TCTN3: variants seen among roughly 807,000 people sequenced by gnomAD.
The protein encoded by TCTN3 is tectonic family member 3.
Under a neutral mutation model 71.3 loss-of-function variants are expected in TCTN3, and 57 were observed. The ratio of observed to expected loss-of-function variants is 0.80; its 90% confidence interval spans 0.65 to 1.00. The LOEUF is 1.00. Ranked by LOEUF, TCTN3 falls within the 50% of genes least tolerant of loss-of-function variation. TCTN3 has a pLI of 0.00. For synonymous variants in TCTN3, 258 were observed against 267.8 expected (o/e 0.96, Z 0.36); for missense variants, 696 against 719.9 (o/e 0.97, Z 0.38).
At chr10:95,671,764 G>T (rs2097931660) in intron 13 of TCTN3, among the ~76,000 whole-genome samples, 1 of 151,866 alleles carries the variant, frequency 6.6e-6, no homozygotes, top group Non-Finnish European at 1.5e-5. Flanking sequence ...CTAATTTTTT[G>T]TATTTTTTTT....
intron 13 of TCTN3, 94 bp downstream of exon 13, chr10:95,680,378 T>TTAG: frequency 2.1e-6 from 3 of 1,447,616 alleles, no homozygotes; most frequent in Middle Eastern, 2.1e-4. Flanking sequence ...ATAAATTAGC[T>TTAG]CTTGGAAGGT....
intron 13 of TCTN3, among the ~76,000 whole-genome samples, chr10:95,672,571 TGAA>T (rs1223966334): frequency 2.0e-5 from 3 of 152,110 alleles, no homozygotes; most frequent in African/African-American, 7.2e-5. Flanking sequence ...CTTGTGAGCA[TGAA>T]GTAGTAGCGC....
chr10:95,685,004 G>A (rs867846201), intron 8 of TCTN3, among the ~76,000 whole-genome samples: 1 of 152,220 alleles, frequency 6.6e-6, no homozygotes, highest in South Asian at 2.1e-4. Flanking sequence ...CATTGCTGGG[G>A]ATACAAGTTG....
intron 3 of TCTN3, among the ~76,000 whole-genome samples, chr10:95,688,354 C>A (rs536793029): frequency 7.3e-6 from 1 of 136,550 alleles, no homozygotes; most frequent in Non-Finnish European, 1.5e-5. Context: ...CGCACCACTG[C>A]ACTCCAGCCT....
chr10:95,688,622 A>G (rs1346634224), intron 3 of TCTN3, among the ~76,000 whole-genome samples: 2 of 152,036 alleles, frequency 1.3e-5, no homozygotes, highest in Non-Finnish European at 2.9e-5. Context: ...AGTCCTAACA[A>G]TGTTGCCATC....
intron 8 of TCTN3, among the ~76,000 whole-genome samples, chr10:95,684,973 T>A (rs1430906117): frequency 6.6e-6 from 1 of 152,174 alleles, no homozygotes; most frequent in African/African-American, 2.4e-5. Flanking sequence ...GCTCTCACAA[T>A]GTTTGAGAAT....
intron 3 of TCTN3, among the ~76,000 whole-genome samples, chr10:95,688,468 C>G (rs1037778832): frequency 1.3e-5 from 2 of 149,366 alleles, no homozygotes; most frequent in Non-Finnish European, 3.0e-5. Flanking sequence ...CTGCCCCATA[C>G]CAGATGAGTC....
At chr10:95,685,948 G>A (rs560581628) in intron 7 of TCTN3, among the ~76,000 whole-genome samples, 4 of 152,348 alleles carry the variant, frequency 2.6e-5, no homozygotes, top group African/African-American at 9.6e-5. Context: ...GACTCCAGGA[G>A]GGGTGAGATG....
chr10:95,676,371 T>A (rs1383809710), intron 13 of TCTN3, among the ~76,000 whole-genome samples: 1 of 151,876 alleles, frequency 6.6e-6, no homozygotes, highest in African/African-American at 2.4e-5. Flanking sequence ...TTCCAGGTAA[T>A]TTTTGTATTT....
At chr10:95,674,485 CATATGT>C (rs1483141716) in intron 13 of TCTN3, among the ~76,000 whole-genome samples, 1 of 151,824 alleles carries the variant, frequency 6.6e-6, no homozygotes, top group Non-Finnish European at 1.5e-5. Context: ...CACGGATATC[CATATGT>C]ATATTTTTAA....
At position 95,693,366 on chromosome 10, in the gene TCTN3, G is replaced by T. The variant is rs1476594866; in HGVS notation, c.367C>A (p.Pro123Thr). The part of the protein sequence containing the change: ...HPRTVFSFCL[P>T]GSVRSSSWVC... ...AACGAAGCTCACCTTACGCTGCCTGGAAGGCAGAAGGAGAAAACTGTCCTC... is the reference window on the plus strand; with the variant it reads ...AACGAAGCTCACCTTACGCTGCCTGTAAGGCAGAAGGAGAAAACTGTCCTC... The change falls in exon 2 of 14, where the codon CCA (proline) becomes ACA (threonine). Residue 123 changes from proline to threonine, a missense_variant. By Grantham distance (38) the Pro-to-Thr change is conservative. Coordinates refer to ENST00000371217, the MANE Select transcript of TCTN3 (RefSeq NM_015631.6). 1 of 1,551,858 alleles carries T rather than the reference G, an allele frequency of 6.4e-7. No individual in the cohort carries two copies. The highest frequency in any genetic ancestry group is 2.0e-5 in the Admixed American group (1 of 51,008).
rs2097949327 is a variant in TCTN3 at position 95,687,317 on chromosome 10, A to G, written c.666T>C (p.Ser222=). 2 of 1,614,040 alleles carry G rather than the reference A, an allele frequency of 1.2e-6. No homozygotes were observed. The highest frequency in any genetic ancestry group is 3.3e-5 in the Admixed American group (2 of 59,982). ...DPILTYFPKW[S]VISLLRQPAG... The stretch of plus-strand genomic sequence containing the variant: ...CAGGTTGTCTCAGCAAGCTTATTAC[A>G]GACCACTTGGGGAAGTAAGTAAGAA... The change falls in exon 5 of 14, where the codon TCT becomes TCC. Residue 222 remains serine, a synonymous_variant. Transcript: ENST00000371217.
chr10:95,678,146 T>C (rs551870156), intron 13 of TCTN3, among the ~76,000 whole-genome samples: 1 of 152,212 alleles, frequency 6.6e-6, no homozygotes, highest in Non-Finnish European at 1.5e-5. Flanking sequence ...ATATACATTC[T>C]GCAAGTGTAA....
rs761227554 is a variant in TCTN3 at position 95,684,515 on chromosome 10, A to C, written c.1079T>G (p.Phe360Cys). Residue 360 changes from phenylalanine (F) to cysteine (C), a missense_variant, in exon 9 of 14, where the codon TTC becomes TGC. Coordinates refer to ENST00000371217, the MANE Select transcript of TCTN3 (RefSeq NM_015631.6). ...VEPGASLQQH[F>C]ILRFRAFQQS... is the part of the protein sequence containing the mutation. ...GGCCCTAACCCTGAAGCGAAGGATG[A>C]AGTGTTGCTGTAAGGAAGCGCCTGG... 1.2e-6 allele frequency: 2 copies of C among 1,614,040 alleles called. No homozygotes were observed. The highest frequency in any genetic ancestry group is 3.3e-5 in the Admixed American group (2 of 60,020).
chr10:95,682,859 A>C, intron 11 of TCTN3, 55 bp from the exon 12 acceptor site: 1 of 1,558,860 alleles, frequency 6.4e-7, no homozygotes, highest in Non-Finnish European at 8.7e-7. Flanking sequence ...TAATATACCT[A>C]TATTAGTACG....
At chr10:95,669,076 G>A (rs1480282015) in intron 13 of TCTN3, among the ~76,000 whole-genome samples, 1 of 152,162 alleles carries the variant, frequency 6.6e-6, no homozygotes, top group African/African-American at 2.4e-5. Flanking sequence ...TAAACATCAT[G>A]ATGAAACATT....
intron 13 of TCTN3, among the ~76,000 whole-genome samples, chr10:95,667,682 C>T (rs2097926994): frequency 1.3e-5 from 2 of 152,166 alleles, no homozygotes; most frequent in Admixed American, 6.5e-5. Context: ...GGAATTATCC[C>T]TTCTCTAATT....
chr10:95,668,874 C>A (rs2097928246), intron 13 of TCTN3, among the ~76,000 whole-genome samples: 2 of 152,160 alleles, frequency 1.3e-5, no homozygotes, highest in African/African-American at 4.8e-5. Context: ...AAATGTGGAA[C>A]TGATAGATAA....
chr10:95,676,031 C>T (rs1352125137), intron 13 of TCTN3, among the ~76,000 whole-genome samples: 1 of 152,088 alleles, frequency 6.6e-6, no homozygotes, highest in Non-Finnish European at 1.5e-5. Context: ...GCTAGATTGG[C>T]AATTTTTCTA....
Sources: allele counts gnomAD v4.1 joint callset (sites outside exome capture counted in the v4.1 genomes callset), GRCh38; gene constraint gnomAD v4.1.1; transcripts MANE v1.5; gene names NCBI Gene and HGNC (gene_info 2026-07-23, HGNC 2026-07-21).